The following PTPRG variants were observed in gnomAD, a reference collection of about 807,000 sequenced individuals.
PTPRG encodes protein tyrosine phosphatase receptor type G.
PTPRG carries 102 observed loss-of-function variants against 165.3 expected under a neutral mutation model. The observed-to-expected ratio is 0.62, with a 90% confidence interval of 0.53 to 0.73. The LOEUF (loss-of-function observed/expected upper bound fraction) is 0.73, where lower values mean the gene tolerates loss of function less well. Ranked by LOEUF, PTPRG falls within the 30% of genes least tolerant of loss-of-function variation. The probability of loss-of-function intolerance (pLI) is 0.00; values close to 1 mark genes in which losing one functional copy is unlikely to be tolerated. For missense variants in PTPRG, 1,866 were observed against 1,861.4 expected (o/e 1.00, Z -0.05); for synonymous variants, 675 against 669.5 (o/e 1.01, Z -0.13).
At chr3:61,912,272 C>G (rs369258603) in intron 2 of PTPRG, among the ~76,000 whole-genome samples, 5 of 152,146 alleles carry the variant, frequency 3.3e-5, no homozygotes, top group African/African-American at 1.2e-4. Flanking sequence ...AAGACCAAAA[C>G]AGTCAGCAAA....
At chr3:62,124,145 G>T in intron 5 of PTPRG, 1 of 640,342 alleles carries the variant, frequency 1.6e-6, no homozygotes. Context: ...GCGCTTAAAA[G>T]GTTCTGTGAA....
chr3:62,286,238 C>T (rs1389052287), intron 28 of PTPRG, among the ~76,000 whole-genome samples: 1 of 152,122 alleles, frequency 6.6e-6, no homozygotes, highest in East Asian at 1.9e-4. Flanking sequence ...CAAATCATAA[C>T]TAATTCCAGT....
intron 1 of PTPRG, among the ~76,000 whole-genome samples, chr3:61,660,201 G>A (rs1012745395): frequency 1.3e-5 from 2 of 152,146 alleles, no homozygotes; most frequent in Non-Finnish European, 2.9e-5. Flanking sequence ...CTCCAGCCTG[G>A]CGACACAGTG....
At chr3:61,691,171 G>A (rs1345737735) in intron 1 of PTPRG, among the ~76,000 whole-genome samples, 1 of 152,170 alleles carries the variant, frequency 6.6e-6, no homozygotes, top group Non-Finnish European at 1.5e-5. Context: ...CCAGCACTTT[G>A]AGAGGCTGAA....
chr3:62,037,623 A>C (rs17766952), intron 4 of PTPRG, among the ~76,000 whole-genome samples: 19,660 of 152,182 alleles, frequency 0.13, 1,408 homozygotes, highest in South Asian at 0.2. Flanking sequence ...TCAAATTTCA[A>C]ATCCATCTAG....
At chr3:61,995,893 T>C (rs1308629) in intron 3 of PTPRG, among the ~76,000 whole-genome samples, 72,442 of 151,890 alleles carry the variant, frequency 0.48, 17,665 homozygotes, top group Middle Eastern at 0.55. Context: ...GATATGTCTT[T>C]CTCTACGGAT....
intron 5 of PTPRG, among the ~76,000 whole-genome samples, chr3:62,115,590 T>G: frequency 6.6e-6 from 1 of 152,144 alleles, no homozygotes; most frequent in South Asian, 2.1e-4. Flanking sequence ...AATTTCAACT[T>G]ATAGAGTATA....
chr3:61,678,866 C>A (rs1703328297), intron 1 of PTPRG, among the ~76,000 whole-genome samples: 1 of 152,022 alleles, frequency 6.6e-6, no homozygotes, highest in Non-Finnish European at 1.5e-5. Context: ...AATTTGCATC[C>A]CCCATACCTA....
At chr3:62,171,823 A>T (rs11130879) in intron 8 of PTPRG, among the ~76,000 whole-genome samples, 1 of 151,792 alleles carries the variant, frequency 6.6e-6, no homozygotes, top group African/African-American at 2.4e-5. Context: ...CATTGCCACC[A>T]TTTATTTCTG....
At chr3:61,879,484 C>G (rs1000396751) in intron 2 of PTPRG, among the ~76,000 whole-genome samples, 2 of 151,698 alleles carry the variant, frequency 1.3e-5, no homozygotes, top group African/African-American at 4.8e-5. Context: ...TTTTTTTAAA[C>G]GAAATTGTTT....
intron 2 of PTPRG, among the ~76,000 whole-genome samples, chr3:61,751,956 T>A (rs2033450888): frequency 6.6e-6 from 1 of 151,502 alleles, no homozygotes; most frequent in Non-Finnish European, 1.5e-5. Flanking sequence ...TTGCGCCCAC[T>A]GCACTCCAGC....
intron 5 of PTPRG, among the ~76,000 whole-genome samples, chr3:62,091,606 G>A (rs774506871): frequency 2.6e-5 from 4 of 152,036 alleles, no homozygotes; most frequent in Non-Finnish European, 4.4e-5. Flanking sequence ...CATAAAACGG[G>A]GATCCTTTAT....
chr3:62,253,292 A>G (rs1321765796), intron 15 of PTPRG, among the ~76,000 whole-genome samples: 2 of 152,184 alleles, frequency 1.3e-5, no homozygotes, highest in Non-Finnish European at 2.9e-5. Flanking sequence ...ATTCTAAACT[A>G]TCATTGTCGT....
intron 4 of PTPRG, among the ~76,000 whole-genome samples, chr3:62,020,214 G>A (rs6445250): frequency 0.28 from 43,056 of 151,720 alleles, 6,245 homozygotes; most frequent in East Asian, 0.36. Context: ...AATATTTTCT[G>A]TATTTTCTAA....
intron 1 of PTPRG, among the ~76,000 whole-genome samples, chr3:61,633,414 G>C (rs554809559): frequency 6.6e-6 from 1 of 152,312 alleles, no homozygotes; most frequent in South Asian, 2.1e-4. Flanking sequence ...TATAGATGCA[G>C]CTTATGGATT....
At chr3:62,153,860 T>C (rs1280047647) in intron 6 of PTPRG, among the ~76,000 whole-genome samples, 1 of 152,144 alleles carries the variant, frequency 6.6e-6, no homozygotes, top group Non-Finnish European at 1.5e-5. Context: ...GCAGCAACCC[T>C]TGAAGGAACT....
chr3:61,796,446 C>G (rs1213568596), intron 2 of PTPRG, among the ~76,000 whole-genome samples: 1 of 152,234 alleles, frequency 6.6e-6, no homozygotes, highest in African/African-American at 2.4e-5. Context: ...GCCAGGAGAG[C>G]TGATAGCTGC....
chr3:61,900,891 G>T (rs2038483040), intron 2 of PTPRG, among the ~76,000 whole-genome samples: 1 of 152,116 alleles, frequency 6.6e-6, no homozygotes. Context: ...TTAGGCAAGG[G>T]ATCTAACCTC....
intron 6 of PTPRG, among the ~76,000 whole-genome samples, chr3:62,133,775 G>T (rs541799202): frequency 6.6e-6 from 1 of 152,048 alleles, no homozygotes; most frequent in Non-Finnish European, 1.5e-5. Context: ...ACCTGAAGTC[G>T]AGAGTTTGAG....
Sources: allele counts gnomAD v4.1 joint callset (sites outside exome capture counted in the v4.1 genomes callset), GRCh38; gene constraint gnomAD v4.1.1; transcripts MANE v1.5; gene names NCBI Gene and HGNC (gene_info 2026-07-23, HGNC 2026-07-21).